Variants in SUSD6 observed in about 807,000 individuals in gnomAD.
The protein encoded by SUSD6 is sushi domain containing 6.
A neutral mutation model predicts 28.4 loss-of-function variants in SUSD6; 16 were observed. The ratio of observed to expected loss-of-function variants is 0.56; its 90% CI spans 0.38 to 0.86. SUSD6 has a LOEUF of 0.86. Ranked by LOEUF, SUSD6 falls within the 40% of genes least tolerant of loss-of-function variation. SUSD6 has a pLI of 0.00. For synonymous variants in SUSD6, 147 were observed against 159.6 expected (o/e 0.92, Z 0.59); for missense variants, 341 against 384.2 (o/e 0.89, Z 0.94).
At chr14:69,618,110 T>C (rs1471028973) in intron 1 of SUSD6, among the ~76,000 whole-genome samples, 1 of 152,216 alleles carries the variant, frequency 6.6e-6, no homozygotes, top group African/African-American at 2.4e-5. Context: ...CCTTTTGCCC[T>C]TGTTCCAATT....
At chr14:69,616,174 G>A (rs1159423783) in intron 1 of SUSD6, among the ~76,000 whole-genome samples, 1 of 152,140 alleles carries the variant, frequency 6.6e-6, no homozygotes. Flanking sequence ...ATCTTCTCTG[G>A]TGAAAAATGA....
At chr14:69,626,948 G>A (rs1039434039) in intron 1 of SUSD6, among the ~76,000 whole-genome samples, 1 of 151,830 alleles carries the variant, frequency 6.6e-6, no homozygotes, top group Non-Finnish European at 1.5e-5. Flanking sequence ...GCCTCCCAAA[G>A]TGCTGGGATT....
At chr14:69,709,324 C>T (rs757415135) in intron 5 of SUSD6, among the ~76,000 whole-genome samples, 2 of 152,122 alleles carry the variant, frequency 1.3e-5, no homozygotes, top group African/African-American at 2.4e-5. Flanking sequence ...GAATTCTGAT[C>T]GTTTGGAGTC....
chr14:69,649,306 C>T (rs568558822), intron 1 of SUSD6, among the ~76,000 whole-genome samples: 1 of 152,300 alleles, frequency 6.6e-6, no homozygotes, highest in Non-Finnish European at 1.5e-5. Context: ...CCTAAGAAGT[C>T]AGCTTTAGCA....
chr14:69,635,636 CACACACAT>C (rs1885254606), intron 1 of SUSD6, among the ~76,000 whole-genome samples: 1 of 139,934 alleles, frequency 7.1e-6, no homozygotes, highest in Non-Finnish European at 1.6e-5. Flanking sequence ...CACACACACA[CACACACAT>C]TTTCACCTCC....
At chr14:69,653,113 AG>A (rs1885527490) in intron 1 of SUSD6, among the ~76,000 whole-genome samples, 1 of 152,182 alleles carries the variant, frequency 6.6e-6, no homozygotes, top group Non-Finnish European at 1.5e-5. Flanking sequence ...GCTTGAGGGC[AG>A]TTTTCTTCCT....
chr14:69,681,762 T>C (rs1333358870), intron 2 of SUSD6, among the ~76,000 whole-genome samples: 2 of 152,030 alleles, frequency 1.3e-5, no homozygotes, highest in South Asian at 2.1e-4. Context: ...ATGGCAAAGG[T>C]AGGATTGGAT....
At chr14:69,625,006 CAAATG>C (rs1885094534) in intron 1 of SUSD6, among the ~76,000 whole-genome samples, 1 of 152,090 alleles carries the variant, frequency 6.6e-6, no homozygotes, top group Non-Finnish European at 1.5e-5. Flanking sequence ...TTATGAAAAT[CAAATG>C]AAATGGGATA....
At chr14:69,673,372 G>A (rs1211838120) in intron 2 of SUSD6, among the ~76,000 whole-genome samples, 1 of 152,182 alleles carries the variant, frequency 6.6e-6, no homozygotes, top group Non-Finnish European at 1.5e-5. Context: ...TGAAGCAGCA[G>A]CTGCTGCTGG....
intron 1 of SUSD6, among the ~76,000 whole-genome samples, chr14:69,614,346 C>T (rs968042322): frequency 2.0e-5 from 3 of 152,172 alleles, no homozygotes; most frequent in African/African-American, 7.2e-5. Flanking sequence ...GGATTACGGG[C>T]GTGAGCCACC....
At chr14:69,696,078 T>G (rs1886220719) in intron 2 of SUSD6, among the ~76,000 whole-genome samples, 1 of 152,186 alleles carries the variant, frequency 6.6e-6, no homozygotes, top group South Asian at 2.1e-4. Flanking sequence ...GCTGAGCACA[T>G]CAAATGGGGA....
chr14:69,663,375 A>C (rs1269615396), intron 2 of SUSD6, among the ~76,000 whole-genome samples: 1 of 152,236 alleles, frequency 6.6e-6, no homozygotes, highest in Non-Finnish European at 1.5e-5. Context: ...CTGCATTTCT[A>C]CATGACAGAA....
At position 69,708,781 on chromosome 14, in the gene SUSD6, G is replaced by T; in HGVS notation, c.563G>T (p.Cys188Phe). The T allele has an allele frequency of 6.2e-7, 1 of 1,614,188 alleles. No homozygotes were observed. The highest frequency in any genetic ancestry group is 8.5e-7 in the Non-Finnish European group (1 of 1,180,036). Reference protein sequence around the residue: ...EEAVYGSSGHCVPPADPRVQI... With the variant: ...EEAVYGSSGHFVPPADPRVQI... The stretch of plus-strand genomic sequence containing the variant: ...GCTGTATATGGCAGTTCTGGTCACT[G>T]TGTGCCACCTGCTGACCCCAGAGTA... The change falls in exon 5 of 6, where the codon TGT (cysteine) becomes TTT (phenylalanine). Residue 188 changes from cysteine (C) to phenylalanine (F), a missense_variant. Coordinates refer to ENST00000342745, the MANE Select transcript of SUSD6 (RefSeq NM_014734.4).
intron 1 of SUSD6, among the ~76,000 whole-genome samples, chr14:69,656,671 T>C (rs72723885): frequency 8.8e-5 from 4 of 45,704 alleles, no homozygotes; most frequent in South Asian, 8.6e-4. Context: ...AGGCACTTTG[T>C]CTATCCTAAT....
At position 69,693,065 on chromosome 14, in the gene SUSD6, A is replaced by C. The variant is rs144796743; in HGVS notation, c.122-10330A>C. On this transcript the variant is annotated intron_variant, in intron 2 of 5. Coordinates refer to ENST00000342745, the MANE Select transcript of SUSD6 (RefSeq NM_014734.4). The stretch of plus-strand genomic sequence containing the variant: ...AAGGGAAACAGTAACACTTGCTAAT[A>C]CACGTGGAATAGCCTGGCTCCCTAC... 1.5e-3 allele frequency among the ~76,000 whole-genome samples: 225 copies of C among 152,352 alleles called. 4 individuals carry two copies. Among genetic ancestry groups the C allele is most frequent in the African/African-American group, 5.2e-3 (216 of 41,576 alleles).
At chr14:69,659,035 G>A (rs1179306725) in intron 2 of SUSD6, among the ~76,000 whole-genome samples, 1 of 152,160 alleles carries the variant, frequency 6.6e-6, no homozygotes, top group Middle Eastern at 3.2e-3. Flanking sequence ...CAGACTGCCT[G>A]TGTTCAGTGC....
chr14:69,704,001 C>T (rs1048944772), intron 3 of SUSD6, among the ~76,000 whole-genome samples: 2 of 152,238 alleles, frequency 1.3e-5, no homozygotes, highest in Non-Finnish European at 2.9e-5. Flanking sequence ...ACTGCTTCCT[C>T]CTGTCTTGCA....
intron 1 of SUSD6, among the ~76,000 whole-genome samples, chr14:69,647,849 G>A (rs1045816650): frequency 2.0e-5 from 3 of 152,130 alleles, no homozygotes; most frequent in African/African-American, 7.2e-5. Context: ...GTCGGGCTTG[G>A]TGGCGCACAC....
intron 2 of SUSD6, among the ~76,000 whole-genome samples, chr14:69,693,022 C>G (rs113145273): frequency 2.0e-5 from 3 of 152,206 alleles, no homozygotes; most frequent in Non-Finnish European, 4.4e-5. Flanking sequence ...TTTTCTTAAG[C>G]CTTTAACTGC....
Sources: allele counts gnomAD v4.1 joint callset (sites outside exome capture counted in the v4.1 genomes callset), GRCh38; gene constraint gnomAD v4.1.1; transcripts MANE v1.5; gene names NCBI Gene and HGNC (gene_info 2026-07-23, HGNC 2026-07-21).